The following BRINP3 variants were observed in gnomAD, a reference collection of about 807,000 sequenced individuals.
BRINP3 encodes the protein BMP/retinoic acid-inducible neural-specific protein 3.
In BRINP3, 19 loss-of-function variants were observed where a neutral mutation model predicts 71.0. That is an observed-to-expected ratio of 0.27 (90% confidence interval 0.19 to 0.39). The LOEUF (loss-of-function observed/expected upper bound fraction) is 0.39. Among genes scored for constraint, BRINP3 ranks in the 10% least tolerant of loss-of-function variants. The pLI, the probability that BRINP3 is intolerant of heterozygous loss-of-function variation, is 1.00. For missense variants in BRINP3, 959 were observed against 940.8 expected (o/e 1.02, Z -0.25); for synonymous variants, 380 against 337.7 (o/e 1.13, Z -1.37).
At chr1:190,268,229 T>C (rs898136519) in intron 3 of BRINP3, among the ~76,000 whole-genome samples, 2 of 152,148 alleles carry the variant, frequency 1.3e-5, no homozygotes, top group Non-Finnish European at 2.9e-5. Context: ...CTATTTATGA[T>C]TAACTAAGAA....
chr1:190,346,248 C>A (rs1668014743), intron 2 of BRINP3, among the ~76,000 whole-genome samples: 1 of 151,502 alleles, frequency 6.6e-6, no homozygotes, highest in Non-Finnish European at 1.5e-5. Context: ...GAGGATATTG[C>A]CAAAATATAT....
In BRINP3 at chr1:190,265,772, A is replaced by G. The variant is rs187829608; in HGVS notation, c.428-717T>C. ...AAATTGCATTTACTCAGAAATTTTT[A>G]CCATAGAATAGAATATCCAAATGGA... On this transcript the variant is annotated intron_variant, in intron 3 of 7. Coordinates refer to ENST00000367462, the MANE Select transcript of BRINP3 (RefSeq NM_199051.3). 5.2e-3 allele frequency among the ~76,000 whole-genome samples: 784 copies of G among 152,172 alleles called. 4 individuals carry two copies. The highest frequency in any genetic ancestry group is 0.018 in the African/African-American group (747 of 41,548).
At chr1:190,221,282 T>C (rs1656869536) in intron 6 of BRINP3, among the ~76,000 whole-genome samples, 1 of 151,968 alleles carries the variant, frequency 6.6e-6, no homozygotes, top group African/African-American at 2.4e-5. Flanking sequence ...GTGAGTGGAG[T>C]TAAAGTGTAA....
chr1:190,124,195 G>T, intron 7 of BRINP3, among the ~76,000 whole-genome samples: 1 of 152,256 alleles, frequency 6.6e-6, no homozygotes, highest in Admixed American at 6.6e-5. Context: ...CCTTGAGAAA[G>T]TGGGTTTGCT....
chr1:190,256,037 T>C (rs986127015), intron 4 of BRINP3, among the ~76,000 whole-genome samples: 1 of 152,218 alleles, frequency 6.6e-6, no homozygotes, highest in Non-Finnish European at 1.5e-5. Context: ...CCAGTAGTCA[T>C]TCAGGAGCCA....
At chr1:190,430,626 A>T (rs995199563) in intron 2 of BRINP3, among the ~76,000 whole-genome samples, 4 of 152,186 alleles carry the variant, frequency 2.6e-5, no homozygotes, top group African/African-American at 9.6e-5. Flanking sequence ...ATATTTTGGT[A>T]TTACACGTGA....
intron 1 of BRINP3, among the ~76,000 whole-genome samples, chr1:190,466,266 G>T (rs1345305734): frequency 6.6e-6 from 1 of 151,416 alleles, no homozygotes; most frequent in Non-Finnish European, 1.5e-5. Flanking sequence ...TCTCAATACT[G>T]GGACAAAGAA....
Position 190,211,907 on chromosome 1 carries a change from A to G in BRINP3, c.961+14175T>C, listed in dbSNP as rs1342511654. Among the ~76,000 whole-genome samples the G allele has an allele frequency of 2.0e-5, 3 of 152,128 alleles. No homozygotes were observed. In the East Asian group the frequency reaches 5.8e-4, roughly 29 times the overall value. On this transcript the variant is annotated intron_variant, in intron 6 of 7. Transcript: ENST00000367462. ...TCAGGCATTGATAAGTCATAATGGA[A>G]ACGGTGACCAATCAAAACAAATAGC...
Position 190,307,258 on chromosome 1 carries a change from G to GTTTT in BRINP3, c.237-25512_237-25509dup, listed in dbSNP as rs71123082. Among the ~76,000 whole-genome samples, 10 of 52,632 alleles carry GTTTT rather than the reference G, an allele frequency of 1.9e-4. 1 individual carries two copies. Among genetic ancestry groups the GTTTT allele is most frequent in the East Asian group, 1.3e-3 (2 of 1,540 alleles). The allele number at this position is 52,632 out of a possible 152,430, so 34.5% of individuals were successfully genotyped here. A position where few individuals can be genotyped will look rare whatever the true frequency, so the allele number is the denominator to read the frequency against. ...AACTGAGCTCCTCATTTAAAACATT[G>GTTTT]TTTTTTTTTTTTTTTTTTTTTTTTT... is the stretch of plus-strand genomic sequence containing the variant. On this transcript the variant is annotated intron_variant, in intron 2 of 7. Transcript: ENST00000367462.
chr1:190,301,210 T>TATATATACACATAC (rs1558160695), intron 2 of BRINP3, among the ~76,000 whole-genome samples: 6 of 107,818 alleles, frequency 5.6e-5, no homozygotes, highest in East Asian at 2.8e-4. Context: ...CATACATATA[T>TATATATACACATAC]ATATATATAT....
At chr1:190,264,460 G>A (rs1344135359) in intron 4 of BRINP3, among the ~76,000 whole-genome samples, 1 of 152,064 alleles carries the variant, frequency 6.6e-6, no homozygotes, top group African/African-American at 2.4e-5. Flanking sequence ...TGCCATGGAC[G>A]ACTTTAAGCC....
intron 1 of BRINP3, among the ~76,000 whole-genome samples, chr1:190,460,339 AATT>A (rs1478926668): frequency 2.6e-5 from 4 of 151,266 alleles, no homozygotes; most frequent in African/African-American, 7.3e-5. Flanking sequence ...TAACTATAAT[AATT>A]ATTTTTTGAT....
At chr1:190,444,943 C>A (rs1173860176) in intron 2 of BRINP3, among the ~76,000 whole-genome samples, 1 of 152,026 alleles carries the variant, frequency 6.6e-6, no homozygotes, top group Admixed American at 6.6e-5. Context: ...TTTTTTCAAC[C>A]AACATGTTTT....
intron 6 of BRINP3, chr1:190,216,923 TTC>T (rs1308160651): frequency 2.0e-5 from 3 of 151,926 alleles, no homozygotes; most frequent in Non-Finnish European, 2.9e-5. Flanking sequence ...CTGATTTTTT[TTC>T]TGTTTTAATA....
chr1:190,253,858 T>G (rs1026213147), intron 4 of BRINP3, among the ~76,000 whole-genome samples: 3 of 152,186 alleles, frequency 2.0e-5, no homozygotes, highest in African/African-American at 7.2e-5. Flanking sequence ...ATGTCCTGAA[T>G]GGTATTGCCT....
chr1:190,394,396 G>T (rs1233687244), intron 2 of BRINP3, among the ~76,000 whole-genome samples: 1 of 151,284 alleles, frequency 6.6e-6, no homozygotes, highest in Non-Finnish European at 1.5e-5. Flanking sequence ...GCTTGTAATG[G>T]GTTTCTTGCA....
Position 190,160,654 on chromosome 1 carries a change from C to A in BRINP3, c.1184+14G>T. The stretch of plus-strand genomic sequence containing the variant: ...CAATAAACTTAATTGCTTACATTAC[C>A]ACAAATGTCTTACCTTTGTCTTGGC... On this transcript the variant is annotated intron_variant, in intron 7 of 7. Coordinates refer to ENST00000367462, the MANE Select transcript of BRINP3 (RefSeq NM_199051.3). 1 of 1,601,674 alleles carries A rather than the reference C, an allele frequency of 6.2e-7. No homozygotes were observed.
chr1:190,246,458 A>G (rs1158467237), intron 4 of BRINP3, among the ~76,000 whole-genome samples: 3 of 151,950 alleles, frequency 2.0e-5, no homozygotes, highest in Non-Finnish European at 2.9e-5. Context: ...GTCTTTAACC[A>G]TACAACCAGG....
intron 7 of BRINP3, among the ~76,000 whole-genome samples, chr1:190,100,475 C>G (rs1222197579): frequency 6.6e-6 from 1 of 152,072 alleles, no homozygotes; most frequent in East Asian, 1.9e-4. Flanking sequence ...CAGGAGATAA[C>G]AAGCCTTTAA....
Sources: allele counts gnomAD v4.1 joint callset (sites outside exome capture counted in the v4.1 genomes callset), GRCh38; gene constraint gnomAD v4.1.1; transcripts MANE v1.5; gene names NCBI Gene and HGNC (gene_info 2026-07-23, HGNC 2026-07-21).